Variants in ADAMTS8 observed in about 807,000 individuals in gnomAD.
ADAMTS8 encodes ADAM metallopeptidase with thrombospondin type 1 motif 8.
Under a neutral mutation model 64.4 loss-of-function variants are expected in ADAMTS8, and 50 were observed. The observed-to-expected ratio is 0.78, with a 90% CI of 0.62 to 0.98. The LOEUF (loss-of-function observed/expected upper bound fraction) is 0.98, where lower values mean the gene tolerates loss of function less well. Ranked by LOEUF, ADAMTS8 falls within the 50% of genes least tolerant of loss-of-function variation. The pLI, the probability that ADAMTS8 is intolerant of heterozygous loss-of-function variation, is 0.00. For synonymous variants in ADAMTS8, 556 were observed against 533.6 expected (o/e 1.04, Z -0.58); for missense variants, 1,192 against 1,208.2 (o/e 0.99, Z 0.20).
chr11:130,418,958 A>C, intron 2 of ADAMTS8, 95 bp downstream of exon 2: 1 of 1,568,564 alleles, frequency 6.4e-7, no homozygotes, highest in Non-Finnish European at 8.6e-7. Flanking sequence ...CAGCAGGGAG[A>C]CGTTTCCCAT....
intron 4 of ADAMTS8, among the ~76,000 whole-genome samples, chr11:130,415,579 G>A (rs909720812): frequency 2.6e-4 from 38 of 148,198 alleles, no homozygotes; most frequent in Admixed American, 2.0e-3. Flanking sequence ...CTGGGATTAC[G>A]GGCAGAAGCC....
intron 1 of ADAMTS8, among the ~76,000 whole-genome samples, chr11:130,424,260 C>G (rs1862134684): frequency 1.3e-5 from 2 of 152,248 alleles, no homozygotes; most frequent in South Asian, 4.1e-4. Flanking sequence ...AGCCCTGCCA[C>G]TTACTGATCC....
In ADAMTS8 at chr11:130,419,141, C is replaced by G. The variant is rs766832143; in HGVS notation, c.872G>C (p.Arg291Pro). 6.2e-7 allele frequency: 1 copy of G among 1,614,204 alleles called. No individual in the cohort carries two copies. The highest frequency in any genetic ancestry group is 8.5e-7 in the Non-Finnish European group (1 of 1,180,046). Residue 291 changes from arginine to proline, a missense_variant, in exon 2 of 9, where the codon CGT becomes CCT. Physicochemically the swap from Arg to Pro is moderately radical, Grantham distance 103. Around this residue, in one of 5 missense-constraint regions of ADAMTS8, gnomAD observed 741 missense variants for 710.6 expected, o/e 1.04. Transcript: ENST00000257359. The stretch of plus-strand genomic sequence containing the variant: ...ACGCCGCTGCCAGTTGCAGAAGTTA[C>G]GCAGTGTAAGCCCCCCATTGTCGGA... Reference protein sequence around the residue: ...EVSDNGGLTLRNFCNWQRRFN... With the variant: ...EVSDNGGLTLPNFCNWQRRFN...
chr11:130,407,484 GACAC>G (rs200542106), intron 8 of ADAMTS8, among the ~76,000 whole-genome samples: 2 of 151,022 alleles, frequency 1.3e-5, no homozygotes, highest in Non-Finnish European at 1.5e-5. Flanking sequence ...CAGACAGACA[GACAC>G]ACACACACAC....
Position 130,420,873 on chromosome 11 carries a change from C to T in ADAMTS8, c.721-1581G>A, listed in dbSNP as rs116581618. 2.5e-3 allele frequency among the ~76,000 whole-genome samples: 383 copies of T among 152,146 alleles called. 1 individual carries two copies. The highest frequency in any genetic ancestry group is 9.0e-3 in the African/African-American group (374 of 41,528). On this transcript the variant is annotated intron_variant, in intron 1 of 8. Transcript: ENST00000257359. The stretch of plus-strand genomic sequence containing the variant: ...ACATCATTATGCAACCGGGGGTGAG[C>T]GCTGAGGAATGGTGGCTTGCCGAGA...
intron 1 of ADAMTS8, among the ~76,000 whole-genome samples, chr11:130,426,726 G>A (rs1188181414): frequency 1.3e-5 from 2 of 152,224 alleles, no homozygotes; most frequent in Non-Finnish European, 1.5e-5. Flanking sequence ...CCTGGACTCT[G>A]TTTTTCTCCC....
chr11:130,428,131 C>T lies in ADAMTS8; in HGVS notation c.156G>A (p.Glu52=). 2 of 1,498,900 alleles carry T rather than the reference C, an allele frequency of 1.3e-6. No individual in the cohort carries two copies. The highest frequency in any genetic ancestry group is 2.8e-5 in the East Asian group (1 of 35,514). 92.9% of individuals were successfully genotyped at this position (1,498,900 alleles called of 1,614,324 possible). A position where few individuals can be genotyped will look rare whatever the true frequency, so the allele number is the denominator to read the frequency against. Residue 52 remains glutamate (E), a synonymous_variant, in exon 1 of 9, where the codon GAG becomes GAA. Coordinates refer to ENST00000257359, the MANE Select transcript of ADAMTS8 (RefSeq NM_007037.6). The stretch of plus-strand genomic sequence containing the variant: ...CGAAGGCGGACAGGTGGAGCGCGAG[C>T]TCGCCCGCGCTGCCGGGCAACCGCG... The part of the protein sequence containing the change: ...VPTRLPGSAG[E]LALHLSAFGK...
At chr11:130,425,545 C>A (rs1247937160) in intron 1 of ADAMTS8, among the ~76,000 whole-genome samples, 1 of 151,716 alleles carries the variant, frequency 6.6e-6, no homozygotes, top group Non-Finnish European at 1.5e-5. Flanking sequence ...TAGCACCCCG[C>A]TCTGGGTTTG....
At position 130,411,908 on chromosome 11, in the gene ADAMTS8, T is replaced by G. The variant is rs1861957503; in HGVS notation, c.1567-308A>C. The G allele has an allele frequency of 1.4e-5, 5 of 348,858 alleles. No homozygotes were observed. The highest frequency in any genetic ancestry group is 1.1e-5 in the Non-Finnish European group (2 of 189,806). The allele number at this position is 348,858 out of a possible 1,614,324, so 21.6% of individuals were successfully genotyped here. ...TGACACCCTTTTATGGGAATAAGGT[T>G]GCATATAATGCAGTGGTTCTCCGTT... On this transcript the variant is annotated intron_variant, in intron 5 of 8. Coordinates refer to ENST00000257359, the MANE Select transcript of ADAMTS8 (RefSeq NM_007037.6). The surrounding 1 kb of genome is among the most constrained non-coding windows in gnomAD (Gnocchi z 4.2).
chr11:130,426,932 T>C (rs576791776), intron 1 of ADAMTS8, among the ~76,000 whole-genome samples: 56 of 152,370 alleles, frequency 3.7e-4, no homozygotes, highest in African/African-American at 1.3e-3. Context: ...GCTGCTGGCA[T>C]TGCCAAGTTC....
At chr11:130,410,938 C>T (rs1196137095) in intron 6 of ADAMTS8, among the ~76,000 whole-genome samples, 1 of 152,158 alleles carries the variant, frequency 6.6e-6, no homozygotes, top group Non-Finnish European at 1.5e-5. Context: ...CCTCCCTCTG[C>T]CCTGGGCTGA....
chr11:130,408,861 C>G lies in ADAMTS8; in HGVS notation c.1830G>C (p.Trp610Cys). The G allele has an allele frequency of 6.2e-7, 1 of 1,612,426 alleles. No individual in the cohort carries two copies. Among genetic ancestry groups the G allele is most frequent in the Non-Finnish European group, 8.5e-7 (1 of 1,179,384 alleles). Reference sequence around the variant, plus strand: ...GGGACACCCCAGCATACTTGGGGACCCACTGCAGGAGATTCCCGTCCATGT... The same window carrying G: ...GGGACACCCCAGCATACTTGGGGACGCACTGCAGGAGATTCCCGTCCATGT... The part of the protein sequence containing the change: ...YTDMDGNLLQ[W>C]VPKYAGVSPR... The change falls in exon 7 of 9, where the codon TGG (tryptophan) becomes TGC (cysteine). Residue 610 changes from tryptophan to cysteine, a missense_variant. Physicochemically the swap from Trp to Cys is radical, Grantham distance 215 (BLOSUM62 -2). Around this residue, in one of 5 missense-constraint regions of ADAMTS8, gnomAD observed 290 missense variants for 297.8 expected, o/e 0.97. Transcript: ENST00000257359.
chr11:130,419,404 A>T (rs1862071416), intron 1 of ADAMTS8, 112 bp from the exon 2 acceptor site: 2 of 1,467,066 alleles, frequency 1.4e-6, no homozygotes, highest in African/African-American at 2.8e-5. Context: ...TCAGATTCCT[A>T]CCAAAGCCTC....
rs903024 is a variant in ADAMTS8 at position 130,428,552 on chromosome 11, C to T, written c.-266G>A. On this transcript the variant is annotated 5_prime_UTR_variant, in exon 1 of 9. Coordinates refer to ENST00000257359, the MANE Select transcript of ADAMTS8 (RefSeq NM_007037.6). ...GCCCGCGTGCGCCCGTCCTCCGCCC[C>T]TGCCCGCGCCAGCCCCGCGCAGCCG... The T allele has an allele frequency of 0.53, 350,684 of 655,906 alleles. 98,189 individuals carry two copies. Among genetic ancestry groups the T allele is most frequent in the Admixed American group, 0.64 (9,968 of 15,658 alleles). 40.6% of individuals were successfully genotyped at this position (655,906 alleles called of 1,614,324 possible).
rs754284592 is a variant in ADAMTS8, at chr11:130,414,801, G to A, written c.1296C>T (p.Ala432=). The A allele has an allele frequency of 1.9e-6, 3 of 1,611,540 alleles. No homozygotes were observed. Among genetic ancestry groups the A allele is most frequent in the Non-Finnish European group, 2.5e-6 (3 of 1,178,876 alleles). ...CCGGGAGGCCTGTGGGGAGGGGCAG[G>A]GCCGCAGCAGGGGCATCCAGGAGAC... The part of the protein sequence containing the change: ...GDCLLDAPAA[A]LPLPTGLPGR... Residue 432 remains alanine, a synonymous_variant, in exon 5 of 9, where the codon GCC becomes GCT. Coordinates refer to ENST00000257359, the MANE Select transcript of ADAMTS8 (RefSeq NM_007037.6).
chr11:130,421,705 GAGA>G lies in ADAMTS8; in HGVS notation c.721-2416_721-2414del, dbSNP rs562696325. Reference sequence around the variant, plus strand: ...GCGGTGCGTCTCACAGTTCCCTACGGAGAAGGACCACTGAGCCTGGGTGAGGTG... The same window carrying G: ...GCGGTGCGTCTCACAGTTCCCTACGGAGGACCACTGAGCCTGGGTGAGGTG... On this transcript the variant is annotated intron_variant, in intron 1 of 8. Transcript: ENST00000257359. Among the ~76,000 whole-genome samples, 356 of 152,336 alleles carry G rather than the reference GAGA, an allele frequency of 2.3e-3. 3 individuals carry two copies. The highest frequency in any genetic ancestry group is 4.1e-3 in the Non-Finnish European group (278 of 68,020).
intron 5 of ADAMTS8, among the ~76,000 whole-genome samples, chr11:130,412,991 C>T (rs1861971794): frequency 6.6e-6 from 1 of 152,158 alleles, no homozygotes; most frequent in Admixed American, 6.5e-5. Context: ...CTGTCTTGGC[C>T]TCTGGAGTAG....
At chr11:130,427,476 T>TGA in intron 1 of ADAMTS8, 91 bp downstream of exon 1, 1 of 537,690 alleles carries the variant, frequency 1.9e-6, no homozygotes, top group Non-Finnish European at 2.8e-6. Context: ...TTTTTTTTTC[T>TGA]CAGAGGGATT....
Position 130,427,995 on chromosome 11 carries a change from G to A in ADAMTS8, c.292C>T (p.Arg98Cys). ...GRATGGERGL[R>C]GCFFSGTVNG... ...ACGGTGCCGGAGAAGAAGCAGCCGC[G>A]CAGCCCCCGCTCGCCCCCGGTCGCC... is the stretch of plus-strand genomic sequence containing the variant. The change falls in exon 1 of 9, where the codon CGC becomes TGC. Residue 98 changes from arginine (R) to cysteine (C), a missense_variant. This residue lies in a region of ADAMTS8 where 741 missense variants were observed against 710.6 expected (regional missense o/e 1.04). Coordinates refer to ENST00000257359, the MANE Select transcript of ADAMTS8 (RefSeq NM_007037.6). 1 of 1,528,062 alleles carries A rather than the reference G, an allele frequency of 6.5e-7. No individual in the cohort carries two copies. The highest frequency in any genetic ancestry group is 8.7e-7 in the Non-Finnish European group (1 of 1,144,016). The allele number at this position is 1,528,062 out of a possible 1,614,324, so 94.7% of individuals were successfully genotyped here.
Sources: allele counts gnomAD v4.1 joint callset (sites outside exome capture counted in the v4.1 genomes callset), GRCh38; gene constraint gnomAD v4.1.1; regional missense constraint gnomAD v4.1.1; non-coding constraint Gnocchi (gnomAD v3.1); transcripts MANE v1.5; gene names NCBI Gene and HGNC (gene_info 2026-07-23, HGNC 2026-07-21).